TMEM272: variants seen among roughly 807,000 people sequenced by gnomAD.
The protein encoded by TMEM272 is transmembrane protein 272, also known as long intergenic non-protein coding RNA 282.
TMEM272 carries 8 observed loss-of-function variants against 3.7 expected under a neutral mutation model. That is an observed-to-expected ratio of 2.17 (90% CI 1.27 to 3.91). TMEM272 has a LOEUF of 3.91. Ranked by LOEUF, TMEM272 falls within the 30% of genes most tolerant of loss-of-function variation. The pLI, the probability that TMEM272 is intolerant of heterozygous loss-of-function variation, is 0.00. For synonymous variants in TMEM272, 63 were observed against 39.8 expected (o/e 1.58, Z -2.20); for missense variants, 166 against 91.5 (o/e 1.81, Z -3.32).
At chr13:51,869,650 C>T in the TMEM272 span, among the ~76,000 whole-genome samples, 4 of 151,570 alleles carry the variant, frequency 2.6e-5, no homozygotes, top group African/African-American at 4.8e-5. Context: ...CCGCCATGCC[C>T]GGCTAATTTT....
chr13:51,857,761 T>G, the TMEM272 span, among the ~76,000 whole-genome samples: 15 of 152,178 alleles, frequency 9.9e-5, no homozygotes, highest in South Asian at 2.9e-3. Context: ...GATTCAAATC[T>G]AATATAAATC....
chr13:51,896,870 C>G, the TMEM272 span, among the ~76,000 whole-genome samples: 1 of 152,192 alleles, frequency 6.6e-6, no homozygotes, highest in Admixed American at 6.5e-5. Context: ...CATACTGAAT[C>G]TGAATCACTG....
the TMEM272 span, among the ~76,000 whole-genome samples, chr13:51,868,036 T>C: frequency 6.6e-6 from 1 of 152,254 alleles, no homozygotes; most frequent in Admixed American, 6.5e-5. Context: ...AAGGAAGTTC[T>C]CAAAGCTTGT....
chr13:51,865,502 A>G, the TMEM272 span: 4 of 1,614,108 alleles, frequency 2.5e-6, no homozygotes, highest in African/African-American at 5.3e-5. Context: ...GAAGAAACTA[A>G]TGCACAAGCT....
chr13:51,917,330 G>A, the TMEM272 span, among the ~76,000 whole-genome samples: 2,234 of 152,278 alleles, frequency 0.015, 53 homozygotes, highest in African/African-American at 0.051. Context: ...GGGGTAGCTG[G>A]GGACAAGGAG....
At chr13:51,919,503 G>C in the TMEM272 span, among the ~76,000 whole-genome samples, 1 of 152,024 alleles carries the variant, frequency 6.6e-6, no homozygotes, top group Admixed American at 6.5e-5. Context: ...TGACCACAGA[G>C]ACTGGTGTCT....
chr13:51,869,571 C>T, the TMEM272 span, among the ~76,000 whole-genome samples: 1 of 151,302 alleles, frequency 6.6e-6, no homozygotes, highest in Admixed American at 6.6e-5. Flanking sequence ...CTCACTGCAA[C>T]CTCTGCTTCC....
At chr13:51,928,603 A>G in the TMEM272 span, among the ~76,000 whole-genome samples, 1 of 152,142 alleles carries the variant, frequency 6.6e-6, no homozygotes, top group Non-Finnish European at 1.5e-5. Context: ...TTTCCTGTGG[A>G]CTGCCCCTTC....
chr13:51,823,853 C>T (rs554753095), intron 3 of TMEM272, among the ~76,000 whole-genome samples: 52 of 152,312 alleles, frequency 3.4e-4, no homozygotes, highest in African/African-American at 1.2e-3. Flanking sequence ...GCCATAAATT[C>T]AGGGCCCAAA....
chr13:51,814,465 T>C lies in TMEM272; in HGVS notation c.*2286A>G, dbSNP rs955853880. The C allele has an allele frequency of 6.6e-6, 1 of 152,272 alleles. No individual in the cohort carries two copies. The allele number at this position is 152,272 out of a possible 1,614,324, so 9.4% of individuals were successfully genotyped here. The stretch of plus-strand genomic sequence containing the variant: ...CCTGTTTCCCCAGAAGGGGGTAATT[T>C]TGTTTTTTAGAGATGGGGTCTCATT... On this transcript the variant is annotated 3_prime_UTR_variant, in exon 5 of 5. Coordinates refer to ENST00000629372, the MANE Select transcript of TMEM272 (RefSeq NM_001351003.2).
chr13:51,824,666 T>C (rs1467478944), intron 3 of TMEM272, among the ~76,000 whole-genome samples: 1 of 152,190 alleles, frequency 6.6e-6, no homozygotes, highest in Non-Finnish European at 1.5e-5. Flanking sequence ...ATTTGAAAGA[T>C]AACTGGCTGG....
intron 2 of TMEM272, among the ~76,000 whole-genome samples, chr13:51,833,085 G>C (rs59340458): frequency 0.014 from 2,125 of 152,268 alleles, 50 homozygotes; most frequent in African/African-American, 0.049. Context: ...TAGGATTTTT[G>C]ACGGGCTGAG....
At chr13:51,919,765 C>T in the TMEM272 span, among the ~76,000 whole-genome samples, 6 of 152,234 alleles carry the variant, frequency 3.9e-5, no homozygotes, top group Admixed American at 1.3e-4. Flanking sequence ...TCTCCTGCTG[C>T]GCACCTGCGT....
At chr13:51,888,444 C>G in the TMEM272 span, among the ~76,000 whole-genome samples, 1 of 152,092 alleles carries the variant, frequency 6.6e-6, no homozygotes, top group Non-Finnish European at 1.5e-5. Context: ...ACCTTCCAGG[C>G]TACCCGTGTT....
At chr13:51,839,656 G>A (rs764985904) in intron 1 of TMEM272, among the ~76,000 whole-genome samples, 1 of 152,200 alleles carries the variant, frequency 6.6e-6, no homozygotes, top group Non-Finnish European at 1.5e-5. Flanking sequence ...AGGGCAGGGG[G>A]AACAGGCCGT....
At chr13:51,919,439 A>G in the TMEM272 span, among the ~76,000 whole-genome samples, 1 of 152,130 alleles carries the variant, frequency 6.6e-6, no homozygotes, top group Non-Finnish European at 1.5e-5. Flanking sequence ...CTTGCTCCCC[A>G]TAGGAAACCA....
chr13:51,903,307 T>C, the TMEM272 span, among the ~76,000 whole-genome samples: 2 of 152,152 alleles, frequency 1.3e-5, no homozygotes, highest in African/African-American at 4.8e-5. Flanking sequence ...GTAGAGATGA[T>C]CAATAATAAC....
chr13:51,876,182 G>T, the TMEM272 span, among the ~76,000 whole-genome samples: 10 of 152,188 alleles, frequency 6.6e-5, no homozygotes, highest in Admixed American at 5.9e-4. Flanking sequence ...CAGTGCATTG[G>T]CCTCTTGGCT....
At chr13:51,895,679 A>G in the TMEM272 span, among the ~76,000 whole-genome samples, 388 of 152,166 alleles carry the variant, frequency 2.5e-3, 1 homozygote, top group African/African-American at 9.1e-3. Context: ...CCCTGACACC[A>G]CTGCCTACAT....
Sources: gnomAD v4.1 joint callset for allele counts (sites outside exome capture counted in the v4.1 genomes callset) on GRCh38, gnomAD v4.1.1 for gene constraint, MANE v1.5 for transcripts, NCBI Gene and HGNC (gene_info 2026-07-23, HGNC 2026-07-21) for gene names.